AGMO: variants seen among roughly 807,000 people sequenced by gnomAD.
The protein encoded by AGMO is alkylglycerol monooxygenase.
AGMO carries 75 observed loss-of-function variants against 60.2 expected under a neutral mutation model. That is an observed-to-expected ratio of 1.25 (90% confidence interval 1.03 to 1.51). The LOEUF is 1.51. Among genes scored for constraint, AGMO ranks in the 40% most tolerant of loss-of-function variants. The probability of loss-of-function intolerance (pLI) is 0.00; values close to 1 mark genes in which losing one functional copy is unlikely to be tolerated. For synonymous variants in AGMO, 261 were observed against 177.1 expected, an observed-to-expected ratio of 1.47 and a Z score of -3.76; for missense variants, 763 against 525.5, an observed-to-expected ratio of 1.45 and a Z score of -4.42.
At chr7:15,409,525 A>C (rs1037181474) in intron 5 of AGMO, among the ~76,000 whole-genome samples, 3 of 151,898 alleles carry the variant, frequency 2.0e-5, no homozygotes, top group African/African-American at 7.2e-5. Flanking sequence ...AATATAAAAA[A>C]TTTAGTTTTC....
chr7:15,355,518 A>G (rs1221604771), intron 12 of AGMO, among the ~76,000 whole-genome samples: 1 of 151,452 alleles, frequency 6.6e-6, no homozygotes, highest in African/African-American at 2.4e-5. Context: ...AAAAAAAAAA[A>G]AAAAAAGAAG....
At chr7:15,360,859 C>T (rs534308872) in intron 12 of AGMO, among the ~76,000 whole-genome samples, 1 of 152,248 alleles carries the variant, frequency 6.6e-6, no homozygotes, top group South Asian at 2.1e-4. Flanking sequence ...TACGCATGCC[C>T]TCATGCCCAC....
chr7:15,173,318 A>G, the AGMO span, among the ~76,000 whole-genome samples: 1,633 of 152,246 alleles, frequency 0.011, 21 homozygotes, highest in African/African-American at 0.038. Flanking sequence ...AACAAAAACA[A>G]AGCCCAAAGA....
At chr7:15,483,968 A>T (rs1436130449) in intron 3 of AGMO, among the ~76,000 whole-genome samples, 1 of 152,214 alleles carries the variant, frequency 6.6e-6, no homozygotes, top group East Asian at 1.9e-4. Flanking sequence ...GCAAGGATAG[A>T]AAAATAATGC....
At chr7:15,393,116 T>C (rs1297010828) in intron 6 of AGMO, among the ~76,000 whole-genome samples, 3 of 152,220 alleles carry the variant, frequency 2.0e-5, no homozygotes, top group Admixed American at 1.3e-4. Context: ...ATCAAGGACT[T>C]TCTGTCCTCC....
intron 3 of AGMO, among the ~76,000 whole-genome samples, chr7:15,490,045 G>A (rs1347245193): frequency 6.6e-6 from 1 of 152,122 alleles, no homozygotes; most frequent in East Asian, 1.9e-4. Flanking sequence ...TCTAATTTAA[G>A]GAACTATATC....
At chr7:15,126,866 A>G in the AGMO span, among the ~76,000 whole-genome samples, 1 of 152,076 alleles carries the variant, frequency 6.6e-6, no homozygotes, top group Non-Finnish European at 1.5e-5. Context: ...TTTAGGTCTG[A>G]TAAGAAACAT....
intron 12 of AGMO, among the ~76,000 whole-genome samples, chr7:15,361,220 C>A (rs761049139): frequency 2.6e-5 from 4 of 151,312 alleles, no homozygotes; most frequent in Non-Finnish European, 5.9e-5. Flanking sequence ...GCAGCCATAT[C>A]TCTCAAATAT....
downstream of AGMO, among the ~76,000 whole-genome samples, chr7:15,198,819 G>A (rs1051392115): frequency 1.3e-5 from 2 of 152,112 alleles, no homozygotes; most frequent in African/African-American, 4.8e-5. Flanking sequence ...TGGAGTGCAG[G>A]AGCTGAAAAA....
At chr7:15,456,762 T>C (rs1159975145) in intron 3 of AGMO, among the ~76,000 whole-genome samples, 5 of 152,170 alleles carry the variant, frequency 3.3e-5, no homozygotes, top group Non-Finnish European at 7.4e-5. Context: ...TGTGGTGCAG[T>C]TCATCTTTCA....
chr7:15,427,364 T>C (rs1388391833), intron 4 of AGMO, among the ~76,000 whole-genome samples: 1 of 152,202 alleles, frequency 6.6e-6, no homozygotes, highest in Non-Finnish European at 1.5e-5. Flanking sequence ...CTTTACTTGC[T>C]TTCCCCTATT....
chr7:15,139,682 T>C, the AGMO span, among the ~76,000 whole-genome samples: 2 of 152,142 alleles, frequency 1.3e-5, 1 homozygote, highest in South Asian at 4.1e-4. Context: ...TTGGTACATA[T>C]TGAAATAGAA....
chr7:15,318,474 C>T (rs1018381326), intron 12 of AGMO, among the ~76,000 whole-genome samples: 2 of 152,112 alleles, frequency 1.3e-5, no homozygotes, highest in African/African-American at 2.4e-5. Context: ...AAATGTCTTA[C>T]TGATCTTGAA....
intron 10 of AGMO, among the ~76,000 whole-genome samples, chr7:15,370,681 T>C (rs541343927): frequency 8.9e-4 from 127 of 142,846 alleles, no homozygotes; most frequent in African/African-American, 3.0e-3. Flanking sequence ...GATACTTGTA[T>C]GTCTGCTTTT....
At chr7:15,266,524 C>T (rs1388386226) in intron 12 of AGMO, among the ~76,000 whole-genome samples, 1 of 151,886 alleles carries the variant, frequency 6.6e-6, no homozygotes, top group Non-Finnish European at 1.5e-5. Flanking sequence ...CATTTCTCTA[C>T]CCATATGTCT....
chr7:15,271,576 T>G (rs1783612412), intron 12 of AGMO, among the ~76,000 whole-genome samples: 2 of 152,166 alleles, frequency 1.3e-5, no homozygotes, highest in South Asian at 2.1e-4. Flanking sequence ...AAGGAATATT[T>G]GGGGTTTTCT....
chr7:15,184,997 G>T, the AGMO span, among the ~76,000 whole-genome samples: 253 of 152,268 alleles, frequency 1.7e-3, no homozygotes, highest in Admixed American at 4.1e-3. Context: ...CAATTGAATT[G>T]TTTTGTTGTG....
At chr7:15,498,277 G>A (rs1529894) in intron 3 of AGMO, among the ~76,000 whole-genome samples, 88,910 of 151,782 alleles carry the variant, frequency 0.59, 27,390 homozygotes, top group East Asian at 0.96. Flanking sequence ...AAAAACAGTA[G>A]TAGTGATAAT....
chr7:15,268,268 ATACTC>A (rs1412548636), intron 12 of AGMO, among the ~76,000 whole-genome samples: 1 of 151,992 alleles, frequency 6.6e-6, no homozygotes, highest in Non-Finnish European at 1.5e-5. Context: ...TCTTTAAGGA[ATACTC>A]TAAGTTTTAA....
Sources: gnomAD v4.1 joint callset for allele counts (sites outside exome capture counted in the v4.1 genomes callset) on GRCh38, gnomAD v4.1.1 for gene constraint, MANE v1.5 for transcripts, NCBI Gene and HGNC (gene_info 2026-07-23, HGNC 2026-07-21) for gene names.